ENOX1: variants seen among roughly 807,000 people sequenced by gnomAD.
The protein encoded by ENOX1 is candidate growth-related and time keeping constitutive hydroquinone (NADH) oxidase.
ENOX1 carries 42 observed loss-of-function variants against 82.5 expected under a neutral mutation model. The observed-to-expected ratio is 0.51, with a 90% CI of 0.40 to 0.66. The LOEUF is 0.66. ENOX1 is among the 30% of genes least tolerant of loss of function. The probability of loss-of-function intolerance (pLI) is 0.00; values close to 1 mark genes in which losing one functional copy is unlikely to be tolerated. For synonymous variants in ENOX1, 271 were observed against 282.2 expected (o/e 0.96, Z 0.40); for missense variants, 608 against 811.6 (o/e 0.75, Z 3.05).
At chr13:43,542,676 T>G (rs1272208583) in intron 2 of ENOX1, among the ~76,000 whole-genome samples, 1 of 152,190 alleles carries the variant, frequency 6.6e-6, no homozygotes, top group Non-Finnish European at 1.5e-5. Flanking sequence ...GCTCAGGCAA[T>G]CTGCCTGCCT....
chr13:43,703,434 G>A (rs2087035337), intron 1 of ENOX1, among the ~76,000 whole-genome samples: 1 of 152,134 alleles, frequency 6.6e-6, no homozygotes, highest in Non-Finnish European at 1.5e-5. Flanking sequence ...CCTGAGTGAA[G>A]ACTGCTTTTC....
intron 15 of ENOX1, among the ~76,000 whole-genome samples, chr13:43,230,285 G>C (rs1410505386): frequency 1.3e-5 from 2 of 152,102 alleles, no homozygotes; most frequent in Admixed American, 1.3e-4. Flanking sequence ...TTTGGTGTGA[G>C]GATGCAAGTC....
Position 43,411,800 on chromosome 13 carries a change from C to T in ENOX1, c.208+116G>A, listed in dbSNP as rs1414529053. ...CAAGTACAACTTGCCAAACATGCCCCAGTCATAAATAAAAGACTGTGTCCA... is the reference window on the plus strand; with the variant it reads ...CAAGTACAACTTGCCAAACATGCCCTAGTCATAAATAAAAGACTGTGTCCA... On this transcript the variant is annotated intron_variant, in intron 5 of 16. Coordinates refer to ENST00000690772, the MANE Select transcript of ENOX1 (RefSeq NM_001347969.2). 25 of 1,312,986 alleles carry T rather than the reference C, an allele frequency of 1.9e-5. No homozygotes were observed. In the Admixed American group the frequency reaches 3.6e-4, roughly 19 times the overall value. 81.3% of individuals were successfully genotyped at this position (1,312,986 alleles called of 1,614,324 possible).
chr13:43,348,099 C>T (rs184134966), intron 8 of ENOX1, among the ~76,000 whole-genome samples: 1 of 152,306 alleles, frequency 6.6e-6, no homozygotes, highest in East Asian at 1.9e-4. Flanking sequence ...TCATGCTGTG[C>T]ACTTATCCTT....
chr13:43,411,419 C>T (rs2054119295), intron 5 of ENOX1, among the ~76,000 whole-genome samples: 1 of 152,136 alleles, frequency 6.6e-6, no homozygotes. Context: ...ACGTGGTGGA[C>T]AGAAAACAGG....
chr13:43,740,143 A>G (rs1428790270), intron 1 of ENOX1, among the ~76,000 whole-genome samples: 1 of 152,120 alleles, frequency 6.6e-6, no homozygotes, highest in Non-Finnish European at 1.5e-5. Flanking sequence ...GGAACAACAG[A>G]TTCATAAGTC....
At chr13:43,649,825 A>C (rs1403760744) in intron 2 of ENOX1, among the ~76,000 whole-genome samples, 21 of 152,198 alleles carry the variant, frequency 1.4e-4, no homozygotes, top group Admixed American at 1.4e-3. Flanking sequence ...GTTGTATTTA[A>C]GGCAACAGCC....
At chr13:43,501,509 G>T (rs1029669335) in intron 2 of ENOX1, among the ~76,000 whole-genome samples, 13 of 151,546 alleles carry the variant, frequency 8.6e-5, no homozygotes, top group Non-Finnish European at 1.6e-4. Flanking sequence ...CACATGCTTG[G>T]TCACAAAACA....
At chr13:43,427,955 G>A (rs2055421707) in intron 3 of ENOX1, among the ~76,000 whole-genome samples, 1 of 152,198 alleles carries the variant, frequency 6.6e-6, no homozygotes, top group Non-Finnish European at 1.5e-5. Flanking sequence ...TGAGCCAGGA[G>A]TAGTAAGTTG....
chr13:43,262,421 T>G (rs763853743), intron 14 of ENOX1, among the ~76,000 whole-genome samples: 1 of 152,194 alleles, frequency 6.6e-6, no homozygotes, highest in Non-Finnish European at 1.5e-5. Flanking sequence ...ATAATTATAA[T>G]GAAAAATAAT....
intron 14 of ENOX1, among the ~76,000 whole-genome samples, chr13:43,246,664 C>T (rs1024239305): frequency 6.6e-6 from 1 of 152,112 alleles, no homozygotes; most frequent in Non-Finnish European, 1.5e-5. Context: ...CACATGCTCT[C>T]TTGATTTGAA....
At chr13:43,695,989 T>C (rs75651894) in intron 1 of ENOX1, among the ~76,000 whole-genome samples, 3,269 of 152,284 alleles carry the variant, frequency 0.021, 115 homozygotes, top group African/African-American at 0.072. Flanking sequence ...CTCTACTTTC[T>C]GTTTCTATGA....
intron 5 of ENOX1, among the ~76,000 whole-genome samples, chr13:43,375,675 T>C (rs1334547227): frequency 1.3e-5 from 2 of 152,182 alleles, no homozygotes; most frequent in African/African-American, 2.4e-5. Context: ...TCAGTGAAAG[T>C]ATCTATCTAG....
intron 1 of ENOX1, among the ~76,000 whole-genome samples, chr13:43,747,506 T>C (rs143781012): frequency 6.8e-4 from 104 of 152,322 alleles, no homozygotes; most frequent in African/African-American, 2.5e-3. Flanking sequence ...TTGCCTTCTC[T>C]CTTTAGAACT....
At chr13:43,464,446 C>T (rs1388236337) in intron 3 of ENOX1, among the ~76,000 whole-genome samples, 1 of 152,002 alleles carries the variant, frequency 6.6e-6, no homozygotes, top group African/African-American at 2.4e-5. Flanking sequence ...AGGAGGGAGG[C>T]AGCCTGGAAG....
At chr13:43,478,071 T>TG (rs2058363441) in intron 3 of ENOX1, among the ~76,000 whole-genome samples, 1 of 146,520 alleles carries the variant, frequency 6.8e-6, no homozygotes, top group Non-Finnish European at 1.5e-5. Context: ...TTTTTTTTTT[T>TG]TTTTTTTTTC....
At chr13:43,239,161 G>T (rs1435853256) in intron 14 of ENOX1, among the ~76,000 whole-genome samples, 1 of 152,170 alleles carries the variant, frequency 6.6e-6, no homozygotes, top group Non-Finnish European at 1.5e-5. Flanking sequence ...CCATTCTGTG[G>T]AAGTATTTCT....
chr13:43,427,108 G>C (rs2055356106), intron 3 of ENOX1, among the ~76,000 whole-genome samples: 1 of 152,126 alleles, frequency 6.6e-6, no homozygotes, highest in South Asian at 2.1e-4. Context: ...GAGAGGTGGG[G>C]ATTTTTTTGT....
chr13:43,479,604 C>T (rs539898186), intron 3 of ENOX1, among the ~76,000 whole-genome samples: 7 of 152,182 alleles, frequency 4.6e-5, no homozygotes, highest in Non-Finnish European at 7.3e-5. Flanking sequence ...TCTCGTTCTT[C>T]GAAAGAGTCT....
Sources: gnomAD v4.1 joint callset for allele counts (sites outside exome capture counted in the v4.1 genomes callset) on GRCh38, gnomAD v4.1.1 for gene constraint, MANE v1.5 for transcripts, NCBI Gene and HGNC (gene_info 2026-07-23, HGNC 2026-07-21) for gene names.